MYO1C: variants seen among roughly 807,000 people sequenced by gnomAD.
The protein encoded by MYO1C is unconventional myosin-Ic.
MYO1C carries 104 observed loss-of-function variants against 150.8 expected under a neutral mutation model. The ratio of observed to expected loss-of-function variants is 0.69; its 90% CI spans 0.59 to 0.81. The LOEUF (loss-of-function observed/expected upper bound fraction) is 0.81, where lower values mean the gene tolerates loss of function less well. MYO1C is among the 30% of genes least tolerant of loss of function. MYO1C has a pLI of 0.00. For synonymous variants in MYO1C, 663 were observed against 579.9 expected, an observed-to-expected ratio of 1.14 and a Z score of -2.06; for missense variants, 1,504 against 1,435.0, an observed-to-expected ratio of 1.05 and a Z score of -0.78.
rs367948488 is a variant in MYO1C at position 1,471,112 on chromosome 17, A to G, written c.2171T>C (p.Phe724Ser). The change falls in exon 21 of 32, where the codon TTT becomes TCT. Residue 724 changes from phenylalanine (F) to serine (S), a missense_variant. Physicochemically the swap from Phe to Ser is radical, Grantham distance 155. Transcript: ENST00000648651. ...GACCTCCAGGGCATCCTCTGTGGCA[A>G]ACAGGGTCTTGGGGAAGCGGATGAA... ...KIFIRFPKTL[F>S]ATEDALEVRR... 8 of 1,614,020 alleles carry G rather than the reference A, an allele frequency of 5.0e-6. No individual in the cohort carries two copies. In the African/African-American group the frequency reaches 8.0e-5, roughly 16 times the overall value.
At chr17:1,485,355 T>TCCGGC in intron 1 of MYO1C, 1 of 277,878 alleles carries the variant, frequency 3.6e-6, no homozygotes, top group Non-Finnish European at 4.6e-6. Flanking sequence ...GGCCCAGATT[T>TCCGGC]CTGGCCGGGG....
intron 16 of MYO1C, 58 bp from the exon 17 acceptor site, chr17:1,474,748 G>A: frequency 1.9e-6 from 3 of 1,613,108 alleles, no homozygotes; most frequent in East Asian, 2.2e-5. Flanking sequence ...ACAGGCTCCT[G>A]GACACAGGTG....
At chr17:1,484,623 G>A in intron 1 of MYO1C, 1 of 524,488 alleles carries the variant, frequency 1.9e-6, no homozygotes, top group South Asian at 2.0e-5. Flanking sequence ...CCAGAGGGCA[G>A]AACCCGGGAG....
chr17:1,488,411 G>C (rs1355394511), intron 1 of MYO1C, among the ~76,000 whole-genome samples: 1 of 152,244 alleles, frequency 6.6e-6, no homozygotes, highest in Non-Finnish European at 1.5e-5. Context: ...AGGGAAGCGG[G>C]GAACCTGGGT....
In MYO1C at chr17:1,482,936, A is replaced by G. The variant is rs1434903507; in HGVS notation, c.471T>C (p.Tyr157=). Residue 157 remains tyrosine, a synonymous_variant, in exon 4 of 32, where the codon TAT becomes TAC. Transcript: ENST00000648651. ...GCTCGGGGGCTGGGCAGGTCTCTGC[A>G]TAGAACTGCAGCAGCCTCTTGGTGG... ...TEATKRLLQF[Y]AETCPAPERG... The G allele has an allele frequency of 3.2e-6, 5 of 1,582,166 alleles. No individual in the cohort carries two copies. Among genetic ancestry groups the G allele is most frequent in the African/African-American group, 1.5e-5 (1 of 68,856 alleles).
rs1220299402 is a variant in MYO1C at position 1,479,160 on chromosome 17, A to G, written c.1092+271T>C. Among the ~76,000 whole-genome samples the G allele has an allele frequency of 6.6e-6, 1 of 151,940 alleles. No homozygotes were observed. Among genetic ancestry groups the G allele is most frequent in the Admixed American group, 6.6e-5 (1 of 15,254 alleles). On this transcript the variant is annotated intron_variant, in intron 9 of 31. Coordinates refer to ENST00000648651, the MANE Select transcript of MYO1C (RefSeq NM_001080779.2). The surrounding 1 kb of genome is among the most constrained non-coding windows in gnomAD (Gnocchi z 4.2). ...CAGGCGCCCGCCACCATGCCCGGCT[A>G]ATTTTTGTATTCTTAGTAGATGGGG...
chr17:1,480,940 C>T, intron 5 of MYO1C, 55 bp from the exon 6 acceptor site: 1 of 1,588,666 alleles, frequency 6.3e-7, no homozygotes, highest in South Asian at 1.1e-5. Context: ...AAAGAGCCCA[C>T]CTGCCCCTCT....
rs200933065 is a variant in MYO1C, at chr17:1,492,430, G to C, written c.58C>G (p.His20Asp). ...TGEIIRVVHPHRPCKLALGSD... is the reference protein window; with the variant it reads ...TGEIIRVVHPDRPCKLALGSD... Reference sequence around the variant, plus strand: ...CAGCTTACAAGCTTGCAGGGCCTGTGGGGATGAACCACGCGGATGATCTCC... The same window carrying C: ...CAGCTTACAAGCTTGCAGGGCCTGTCGGGATGAACCACGCGGATGATCTCC... Residue 20 changes from histidine (H) to aspartate (D), a missense_variant, in exon 1 of 32, where the codon CAC becomes GAC. Coordinates refer to ENST00000648651, the MANE Select transcript of MYO1C (RefSeq NM_001080779.2). 1.4e-5 allele frequency: 22 copies of C among 1,606,946 alleles called. No individual in the cohort carries two copies. The African/African-American group carries it at 2.1e-4, about 16-fold the overall frequency.
At chr17:1,488,236 C>A (rs1038832576) in intron 1 of MYO1C, among the ~76,000 whole-genome samples, 13 of 152,148 alleles carry the variant, frequency 8.5e-5, no homozygotes, top group African/African-American at 3.1e-4. Flanking sequence ...AGTTCCCGGG[C>A]CGCGCCGCCG....
Position 1,484,140 on chromosome 17 carries a change from G to A in MYO1C, c.231+8C>T, listed in dbSNP as rs2074599007. On this transcript the variant is annotated splice_region_variant and intron_variant, in intron 2 of 31. Transcript: ENST00000648651. Reference sequence around the variant, plus strand: ...AGCACCCCTGCCATCTCCCCACAAGGGCCTCACGTAGATGAGATTCTCCCG... The same window carrying A: ...AGCACCCCTGCCATCTCCCCACAAGAGCCTCACGTAGATGAGATTCTCCCG... 1.9e-6 allele frequency: 3 copies of A among 1,612,658 alleles called. No homozygotes were observed. The highest frequency in any genetic ancestry group is 1.3e-5 in the African/African-American group (1 of 75,032).
chr17:1,483,634 C>A lies in MYO1C; in HGVS notation c.323G>T (p.Ser108Ile), dbSNP rs2074585653. The change falls in exon 3 of 32, where the codon AGC (serine) becomes ATC (isoleucine). Residue 108 changes from serine to isoleucine, a missense_variant. Coordinates refer to ENST00000648651, the MANE Select transcript of MYO1C (RefSeq NM_001080779.2). ...CAGGTGAGGGGGCACTTCATAGAAG[C>A]TGACGCCACGGTAACGCTCCATATG... ...RQHMERYRGV[S>I]FYEVPPHLFA... 6.2e-7 allele frequency: 1 copy of A among 1,611,538 alleles called. No individual in the cohort carries two copies. Among genetic ancestry groups the A allele is most frequent in the Non-Finnish European group, 8.5e-7 (1 of 1,179,160 alleles).
rs7502466 is a variant in MYO1C at position 1,469,676 on chromosome 17, G to A, written c.2527-62C>T. The A allele has an allele frequency of 0.094, 125,011 of 1,323,152 alleles. 6,517 individuals carry two copies. Among genetic ancestry groups the A allele is most frequent in the East Asian group, 0.13 (5,380 of 41,138 alleles). 82.0% of individuals were successfully genotyped at this position (1,323,152 alleles called of 1,614,324 possible). A position where few individuals can be genotyped will look rare whatever the true frequency, so the allele number is the denominator to read the frequency against. Reference sequence around the variant, plus strand: ...CTGGGCCCTTCCCTCTGAAGACATCGAACATATGCTACTGCATCCTTTGGA... The same window carrying A: ...CTGGGCCCTTCCCTCTGAAGACATCAAACATATGCTACTGCATCCTTTGGA... On this transcript the variant is annotated intron_variant, in intron 24 of 31. Coordinates refer to ENST00000648651, the MANE Select transcript of MYO1C (RefSeq NM_001080779.2).
At chr17:1,480,482 G>A (rs757638855) in intron 7 of MYO1C, 45 bp downstream of exon 7, 2 of 1,458,942 alleles carry the variant, frequency 1.4e-6, no homozygotes, top group African/African-American at 1.4e-5. Context: ...AGGAGATTTT[G>A]GGGGTGTGAC....
chr17:1,492,557 G>T lies in MYO1C; in HGVS notation c.-70C>A. On this transcript the variant is annotated 5_prime_UTR_variant, in exon 1 of 32. Transcript: ENST00000648651. ...GCAAGAGCTGCCTGCCCACTGGCGG[G>T]CTCCGACCACTCCGGGACCAGGAAC... is the stretch of plus-strand genomic sequence containing the variant. The T allele has an allele frequency of 6.9e-7, 1 of 1,447,356 alleles. No homozygotes were observed. 89.7% of individuals were successfully genotyped at this position (1,447,356 alleles called of 1,614,324 possible). A position where few individuals can be genotyped will look rare whatever the true frequency, so the allele number is the denominator to read the frequency against.
intron 1 of MYO1C, among the ~76,000 whole-genome samples, chr17:1,489,778 C>T (rs915109480): frequency 6.6e-6 from 1 of 152,050 alleles, no homozygotes; most frequent in African/African-American, 2.4e-5. Flanking sequence ...TGGCTCATGC[C>T]TGTAATCCCA....
intron 17 of MYO1C, among the ~76,000 whole-genome samples, chr17:1,472,696 G>C (rs1355530032): frequency 6.6e-6 from 1 of 152,134 alleles, no homozygotes; most frequent in Non-Finnish European, 1.5e-5. Context: ...GTGTATGCCT[G>C]TGGGTTCTGA....
chr17:1,487,156 T>C (rs2074671348), intron 1 of MYO1C: 2 of 152,506 alleles, frequency 1.3e-5, no homozygotes, highest in South Asian at 4.1e-4. Context: ...AGACCCCCTA[T>C]AGACCTCGCT....
intron 1 of MYO1C, 140 bp from the exon 2 acceptor site, chr17:1,484,443 G>C (rs963905761): frequency 1.8e-5 from 19 of 1,040,472 alleles, no homozygotes; most frequent in Non-Finnish European, 2.7e-5. Flanking sequence ...TGACGGGTGC[G>C]GGGGGCCTGG....
intron 1 of MYO1C, among the ~76,000 whole-genome samples, chr17:1,488,085 CGG>C (rs2074687531): frequency 6.6e-6 from 1 of 152,120 alleles, no homozygotes; most frequent in Non-Finnish European, 1.5e-5. Flanking sequence ...GGACTCGGGC[CGG>C]GGGCGTGGCA....
Sources: gnomAD v4.1 joint callset for allele counts (sites outside exome capture counted in the v4.1 genomes callset) on GRCh38, gnomAD v4.1.1 for gene constraint, Gnocchi (gnomAD v3.1) non-coding constraint, MANE v1.5 for transcripts, NCBI Gene and HGNC (gene_info 2026-07-23, HGNC 2026-07-21) for gene names.